SGK1: variants seen among roughly 807,000 people sequenced by gnomAD.
SGK1 encodes the protein serum/glucocorticoid regulated kinase 1.
A neutral mutation model predicts 64.2 loss-of-function variants in SGK1; 26 were observed. That is an observed-to-expected ratio of 0.40 (90% CI 0.30 to 0.56). The LOEUF (loss-of-function observed/expected upper bound fraction) is 0.56, where lower values mean the gene tolerates loss of function less well. Ranked by LOEUF, SGK1 falls within the 20% of genes least tolerant of loss-of-function variation. SGK1 has a pLI of 0.38. For synonymous variants in SGK1, 265 were observed against 239.7 expected (o/e 1.11, Z -0.98); for missense variants, 519 against 645.6 (o/e 0.80, Z 2.12).
chr6:134,209,900 C>T (rs1188107278), intron 2 of SGK1, among the ~76,000 whole-genome samples: 2 of 152,198 alleles, frequency 1.3e-5, no homozygotes, highest in Non-Finnish European at 2.9e-5. Context: ...TGGTCTTGAA[C>T]TTCTGACCTC....
At chr6:134,230,416 A>C (rs1030024352) in intron 2 of SGK1, 1 of 152,304 alleles carries the variant, frequency 6.6e-6, no homozygotes, top group African/African-American at 2.4e-5. Flanking sequence ...TCATGGCTGG[A>C]GAGGCCTCAG....
chr6:134,248,126 C>T (rs1457097489), intron 2 of SGK1, among the ~76,000 whole-genome samples: 1 of 151,944 alleles, frequency 6.6e-6, no homozygotes, highest in Non-Finnish European at 1.5e-5. Context: ...TTTTTTCCCT[C>T]GTGTGTATCA....
rs1345023548 is a variant in SGK1, at chr6:134,315,744, T to G, written c.69+1648A>C. On this transcript the variant is annotated intron_variant, in intron 1 of 13. Transcript: ENST00000367858. Reference sequence around the variant, plus strand: ...TTAAAATTAGCAAAACATTTGTTTATTATTGAAAATTAGGGCTGGGCCTGG... The same window carrying G: ...TTAAAATTAGCAAAACATTTGTTTAGTATTGAAAATTAGGGCTGGGCCTGG... 2.0e-5 allele frequency among the ~76,000 whole-genome samples: 3 copies of G among 152,152 alleles called. No individual in the cohort carries two copies. The East Asian group carries it at 5.8e-4, about 29-fold the overall frequency.
chr6:134,282,483 C>G lies in SGK1; in HGVS notation c.70-20335G>C, dbSNP rs890383316. Among the ~76,000 whole-genome samples the G allele has an allele frequency of 3.6e-4, 54 of 151,944 alleles. 1 individual carries two copies. Among genetic ancestry groups the G allele is most frequent in the Non-Finnish European group, 2.9e-5 (2 of 68,006 alleles). ...CCTGGCCAACATGGTGAAACCCCCT[C>G]TCTGCTAAAAATACAAAAAATTAGC... On this transcript the variant is annotated intron_variant, in intron 1 of 13. Coordinates refer to ENST00000367858, the MANE Select transcript of SGK1 (RefSeq NM_001143676.3).
At chr6:134,229,252 C>T (rs1047962260) in intron 2 of SGK1, among the ~76,000 whole-genome samples, 2 of 152,342 alleles carry the variant, frequency 1.3e-5, no homozygotes, top group African/African-American at 4.8e-5. Context: ...TTGACTTGGT[C>T]TGTAAACGTC....
At chr6:134,173,617 A>G (rs145359788) in intron 5 of SGK1, 51 bp from the exon 6 acceptor site, 1 of 1,210,312 alleles carries the variant, frequency 8.3e-7, no homozygotes, top group African/African-American at 1.5e-5. Flanking sequence ...TCAAAGGAAG[A>G]CATCTATAAC....
intron 2 of SGK1, among the ~76,000 whole-genome samples, chr6:134,223,762 C>T (rs1374902808): frequency 1.3e-5 from 2 of 152,216 alleles, no homozygotes; most frequent in South Asian, 2.1e-4. Context: ...TAGACTGCTA[C>T]GTGTAATTGT....
At chr6:134,212,298 C>T (rs1305961534) in intron 2 of SGK1, among the ~76,000 whole-genome samples, 4 of 152,210 alleles carry the variant, frequency 2.6e-5, no homozygotes, top group Middle Eastern at 3.4e-3. Context: ...CGTGATCCAC[C>T]CGCTTCAGCC....
At chr6:134,287,147 T>G (rs1238406012) in intron 1 of SGK1, among the ~76,000 whole-genome samples, 3 of 152,112 alleles carry the variant, frequency 2.0e-5, no homozygotes, top group Non-Finnish European at 4.4e-5. Context: ...AATTTTTGTG[T>G]TTTTGGTAGA....
intron 1 of SGK1, among the ~76,000 whole-genome samples, chr6:134,273,759 A>G (rs927781792): frequency 1.7e-4 from 26 of 152,176 alleles, no homozygotes; most frequent in Admixed American, 6.6e-5. Context: ...GGCAAGAACT[A>G]AAGCTGGATA....
At position 134,272,957 on chromosome 6, in the gene SGK1, T is replaced by A. The variant is rs1028527092; in HGVS notation, c.70-10809A>T. ...CAACTATTTGCCTGGCATTATGTGG[T>A]TGGGACAGAAAGAAATTTAATGTTG... On this transcript the variant is annotated intron_variant, in intron 1 of 13. Coordinates refer to ENST00000367858, the MANE Select transcript of SGK1 (RefSeq NM_001143676.3). Among the ~76,000 whole-genome samples, 9 of 148,064 alleles carry A rather than the reference T, an allele frequency of 6.1e-5. 1 individual carries two copies. Among genetic ancestry groups the A allele is most frequent in the African/African-American group, 2.2e-4 (9 of 41,170 alleles).
intron 3 of SGK1, among the ~76,000 whole-genome samples, chr6:134,197,714 T>C (rs1775614950): frequency 6.6e-6 from 1 of 151,616 alleles, no homozygotes; most frequent in Non-Finnish European, 1.5e-5. Flanking sequence ...TAATATCAGC[T>C]ACTTGGGAGG....
chr6:134,175,010 G>T (rs1775179230), intron 3 of SGK1: 2 of 1,100,434 alleles, frequency 1.8e-6, no homozygotes, highest in Admixed American at 3.0e-5. Flanking sequence ...CGCTGCCTGC[G>T]GCGGGCGGTT....
In SGK1 at chr6:134,265,432, C is replaced by T. The variant is rs1776834321; in HGVS notation, c.70-3284G>A. Among the ~76,000 whole-genome samples, 3 of 151,056 alleles carry T rather than the reference C, an allele frequency of 2.0e-5. No individual in the cohort carries two copies. The South Asian group carries it at 6.3e-4, about 31-fold the overall frequency. On this transcript the variant is annotated intron_variant, in intron 1 of 13. Coordinates refer to ENST00000367858, the MANE Select transcript of SGK1 (RefSeq NM_001143676.3). ...CCAAGATCATGCCATTGCACTCCAG[C>T]CTGGGCAACAAGAGTGAAAACTCTG...
chr6:134,248,733 T>A (rs1056132596), intron 2 of SGK1, among the ~76,000 whole-genome samples: 1 of 152,122 alleles, frequency 6.6e-6, no homozygotes, highest in South Asian at 2.1e-4. Context: ...AATCTCAACA[T>A]AGAGAACTCC....
intron 1 of SGK1, among the ~76,000 whole-genome samples, chr6:134,284,395 C>T (rs1466801166): frequency 1.3e-5 from 2 of 151,992 alleles, no homozygotes; most frequent in African/African-American, 2.4e-5. Context: ...GCAGCCGGCC[C>T]ATCACATCAG....
rs1363762106 is a variant in SGK1 at position 134,308,381 on chromosome 6, T to C, written c.69+9011A>G. On this transcript the variant is annotated intron_variant, in intron 1 of 13. Coordinates refer to ENST00000367858, the MANE Select transcript of SGK1 (RefSeq NM_001143676.3). ...CTTGAGTCTAAATATGTTTTAACAATTTGGGGGACTTTTCTTTTTTCACCT... is the reference window on the plus strand; with the variant it reads ...CTTGAGTCTAAATATGTTTTAACAACTTGGGGGACTTTTCTTTTTTCACCT... Among the ~76,000 whole-genome samples, 3 of 152,318 alleles carry C rather than the reference T, an allele frequency of 2.0e-5. No individual in the cohort carries two copies. In the East Asian group the frequency reaches 5.8e-4, roughly 29 times the overall value.
At chr6:134,214,592 A>G (rs1317915095) in intron 2 of SGK1, among the ~76,000 whole-genome samples, 1 of 112,776 alleles carries the variant, frequency 8.9e-6, no homozygotes, top group Non-Finnish European at 2.0e-5. Flanking sequence ...AAAAAAAAAA[A>G]ATTAATGAAA....
intron 2 of SGK1, chr6:134,261,025 A>T (rs1453741073): frequency 6.6e-6 from 1 of 152,214 alleles, no homozygotes. Context: ...GGCCTAATTA[A>T]GTTATAAGTT....
Sources: allele counts gnomAD v4.1 joint callset (sites outside exome capture counted in the v4.1 genomes callset), GRCh38; gene constraint gnomAD v4.1.1; transcripts MANE v1.5; gene names NCBI Gene and HGNC (gene_info 2026-07-23, HGNC 2026-07-21).